SCHIP1: variants seen among roughly 807,000 people sequenced by gnomAD.
The protein encoded by SCHIP1 is schwannomin interacting protein 1.
SCHIP1 carries 8 observed loss-of-function variants against 29.7 expected under a neutral mutation model. The ratio of observed to expected loss-of-function variants is 0.27; its 90% CI spans 0.16 to 0.49. The LOEUF is 0.49. Among genes scored for constraint, SCHIP1 ranks in the 20% least tolerant of loss-of-function variants. The probability of loss-of-function intolerance (pLI) is 0.99; values close to 1 mark genes in which losing one functional copy is unlikely to be tolerated. For missense variants in SCHIP1, 193 were observed against 294.6 expected (o/e 0.66, Z 2.52); for synonymous variants, 76 against 94.9 (o/e 0.80, Z 1.16).
chr3:159,844,324 G>C (rs986773460), intron 1 of SCHIP1, among the ~76,000 whole-genome samples: 3 of 152,244 alleles, frequency 2.0e-5, no homozygotes, highest in Non-Finnish European at 2.9e-5. Flanking sequence ...GCAAGGGCTT[G>C]TATGCACTGT....
the SCHIP1 span, among the ~76,000 whole-genome samples, chr3:159,522,599 A>T: frequency 6.6e-6 from 1 of 152,348 alleles, no homozygotes; most frequent in Middle Eastern, 3.4e-3. Context: ...GGCCAGGCAC[A>T]GTGGCTTACA....
chr3:159,400,772 C>T, the SCHIP1 span, among the ~76,000 whole-genome samples: 4,112 of 152,224 alleles, frequency 0.027, 75 homozygotes, highest in East Asian at 0.11. Flanking sequence ...CTCATCTTTC[C>T]TCAGTTACAC....
the SCHIP1 span, among the ~76,000 whole-genome samples, chr3:159,468,741 TATAATATATAATATA>T: frequency 4.9e-5 from 6 of 122,778 alleles, no homozygotes; most frequent in African/African-American, 1.7e-4. Flanking sequence ...TAATATAATA[TATAATATATAATATA>T]ATATATATAT....
At chr3:159,839,293 A>G (rs1049083511), upstream of SCHIP1, among the ~76,000 whole-genome samples, 48 of 147,592 alleles carry the variant, frequency 3.3e-4, no homozygotes, top group African/African-American at 1.1e-3. Context: ...TTACATTAAA[A>G]AAAAAAAAAC....
chr3:159,499,419 C>T, the SCHIP1 span, among the ~76,000 whole-genome samples: 1 of 152,212 alleles, frequency 6.6e-6, no homozygotes, highest in Non-Finnish European at 1.5e-5. Context: ...CCTTTCAAAG[C>T]CCCATCATAC....
the SCHIP1 span, among the ~76,000 whole-genome samples, chr3:159,456,209 C>T: frequency 6.6e-6 from 1 of 152,050 alleles, no homozygotes; most frequent in South Asian, 2.1e-4. Flanking sequence ...GTGATGTTGC[C>T]TTATGGTTTA....
chr3:159,292,766 TA>T, the SCHIP1 span, among the ~76,000 whole-genome samples: 3 of 152,246 alleles, frequency 2.0e-5, no homozygotes, highest in Non-Finnish European at 2.9e-5. Flanking sequence ...AGTTTTGCTT[TA>T]TTTTCAATTT....
chr3:159,403,871 C>T, the SCHIP1 span, among the ~76,000 whole-genome samples: 1 of 152,178 alleles, frequency 6.6e-6, no homozygotes, highest in African/African-American at 2.4e-5. Context: ...GGAGAAACTC[C>T]TTCCTTTAGC....
chr3:159,682,588 C>A, the SCHIP1 span, among the ~76,000 whole-genome samples: 1 of 152,164 alleles, frequency 6.6e-6, no homozygotes, highest in African/African-American at 2.4e-5. Flanking sequence ...AAACTGTGTG[C>A]TTCTCCTAGA....
chr3:159,609,428 A>G, the SCHIP1 span, among the ~76,000 whole-genome samples: 1 of 152,212 alleles, frequency 6.6e-6, no homozygotes, highest in Non-Finnish European at 1.5e-5. Flanking sequence ...GGCAAAGGCT[A>G]TTAGTTGTTT....
chr3:159,360,735 T>TA, the SCHIP1 span, among the ~76,000 whole-genome samples: 2 of 152,184 alleles, frequency 1.3e-5, no homozygotes, highest in African/African-American at 4.8e-5. Flanking sequence ...GCTTTTTTTT[T>TA]AAATTAGGCC....
the SCHIP1 span, chr3:159,306,697 T>C: frequency 3.8e-6 from 1 of 265,668 alleles, no homozygotes; most frequent in Non-Finnish European, 5.8e-6. Context: ...AGAAGATGTA[T>C]ATTTAAAATA....
chr3:159,753,370 T>C, the SCHIP1 span, among the ~76,000 whole-genome samples: 1 of 152,160 alleles, frequency 6.6e-6, no homozygotes, highest in African/African-American at 2.4e-5. Context: ...TTCCTGTTTT[T>C]TTCTCCCCTA....
the SCHIP1 span, among the ~76,000 whole-genome samples, chr3:159,689,940 G>A: frequency 1.7e-3 from 265 of 152,300 alleles, no homozygotes; most frequent in African/African-American, 6.0e-3. Context: ...GCATCCTGGG[G>A]ATGAAGCCCA....
chr3:159,633,652 G>C, the SCHIP1 span, among the ~76,000 whole-genome samples: 173 of 152,240 alleles, frequency 1.1e-3, 2 homozygotes, highest in African/African-American at 4.0e-3. Context: ...TTTTCTACCA[G>C]ACGTATCAAA....
chr3:159,452,672 G>A, the SCHIP1 span, among the ~76,000 whole-genome samples: 7 of 152,154 alleles, frequency 4.6e-5, no homozygotes, highest in African/African-American at 1.4e-4. Flanking sequence ...ATCCAGTAAC[G>A]GGATTGCTAG....
the SCHIP1 span, among the ~76,000 whole-genome samples, chr3:159,747,671 A>C: frequency 3.3e-5 from 5 of 152,004 alleles, no homozygotes; most frequent in African/African-American, 1.2e-4. Context: ...TTCAGTACTC[A>C]TGGCCATGAG....
At chr3:159,635,188 T>C in the SCHIP1 span, among the ~76,000 whole-genome samples, 1 of 152,198 alleles carries the variant, frequency 6.6e-6, no homozygotes, top group African/African-American at 2.4e-5. Flanking sequence ...TTTGTATCAT[T>C]TATCTATGAG....
At chr3:159,495,703 A>G in the SCHIP1 span, among the ~76,000 whole-genome samples, 1 of 152,238 alleles carries the variant, frequency 6.6e-6, no homozygotes, top group Admixed American at 6.5e-5. Context: ...TATAGATTCA[A>G]TGCCATCCCT....
Sources: allele counts gnomAD v4.1 joint callset (sites outside exome capture counted in the v4.1 genomes callset), GRCh38; gene constraint gnomAD v4.1.1; transcripts MANE v1.5; gene names NCBI Gene and HGNC (gene_info 2026-07-23, HGNC 2026-07-21).